The following MYO16 variants were observed in gnomAD, a reference collection of about 807,000 sequenced individuals.
MYO16 encodes myosin XVI.
MYO16 carries 94 observed loss-of-function variants against 205.3 expected under a neutral mutation model. That is an observed-to-expected ratio of 0.46 (90% CI 0.39 to 0.54). The LOEUF is 0.54. Ranked by LOEUF, MYO16 falls within the 20% of genes least tolerant of loss-of-function variation. The pLI is 0.00. For synonymous variants in MYO16, 988 were observed against 954.0 expected (o/e 1.04, Z -0.66); for missense variants, 2,315 against 2,387.5 (o/e 0.97, Z 0.63).
intron 23 of MYO16, among the ~76,000 whole-genome samples, chr13:109,041,163 T>G (rs1293664982): frequency 6.6e-6 from 1 of 152,156 alleles, no homozygotes; most frequent in South Asian, 2.1e-4. Flanking sequence ...TGTAGGGAAC[T>G]TGTGTGGCGA....
intron 7 of MYO16, among the ~76,000 whole-genome samples, chr13:108,814,925 A>T (rs1887403506): frequency 6.6e-6 from 1 of 152,222 alleles, no homozygotes; most frequent in African/African-American, 2.4e-5. Context: ...CATTCTAACA[A>T]GTAAAATAAT....
chr13:108,987,629 A>G (rs1308606135), intron 20 of MYO16, among the ~76,000 whole-genome samples: 2 of 152,192 alleles, frequency 1.3e-5, no homozygotes, highest in African/African-American at 4.8e-5. Context: ...GTAAGTCTGG[A>G]CAAGATTGCT....
intron 20 of MYO16, among the ~76,000 whole-genome samples, chr13:108,965,910 A>G (rs1459494970): frequency 6.6e-6 from 1 of 152,228 alleles, no homozygotes; most frequent in Non-Finnish European, 1.5e-5. Flanking sequence ...AGTCATCCGT[A>G]TAGACTTCTT....
At chr13:108,948,698 G>A (rs981143878) in intron 16 of MYO16, among the ~76,000 whole-genome samples, 23 of 152,188 alleles carry the variant, frequency 1.5e-4, no homozygotes, top group Non-Finnish European at 2.6e-4. Context: ...TTTTTTGTCT[G>A]TGCCTCCACA....
At chr13:108,831,043 C>G (rs139036972) in intron 9 of MYO16, among the ~76,000 whole-genome samples, 1 of 152,144 alleles carries the variant, frequency 6.6e-6, no homozygotes, top group African/African-American at 2.4e-5. Context: ...AGTGTCCTCA[C>G]ATGGTGGAAG....
At chr13:109,189,997 G>A (rs913127211) in intron 34 of MYO16, among the ~76,000 whole-genome samples, 2 of 151,738 alleles carry the variant, frequency 1.3e-5, no homozygotes, top group South Asian at 4.2e-4. Flanking sequence ...TGTAATCAGT[G>A]AGAGAATTAG....
At chr13:108,619,248 A>T (rs1396200408) in intron 1 of MYO16, among the ~76,000 whole-genome samples, 1 of 152,200 alleles carries the variant, frequency 6.6e-6, no homozygotes, top group Non-Finnish European at 1.5e-5. Context: ...TTATCATATT[A>T]GCACCTTAGA....
intron 7 of MYO16, among the ~76,000 whole-genome samples, chr13:108,809,732 T>G (rs1247648888): frequency 1.3e-5 from 2 of 152,208 alleles, no homozygotes; most frequent in Non-Finnish European, 2.9e-5. Context: ...TGAGATTTGG[T>G]GCAGACAAAC....
At chr13:108,545,321 G>C in the MYO16 span, among the ~76,000 whole-genome samples, 81 of 152,268 alleles carry the variant, frequency 5.3e-4, no homozygotes, top group Non-Finnish European at 1.0e-3. Flanking sequence ...CCACGTTGCT[G>C]CATAGGACAT....
intron 31 of MYO16, among the ~76,000 whole-genome samples, chr13:109,130,609 G>A (rs1160871473): frequency 2.0e-5 from 3 of 152,212 alleles, no homozygotes; most frequent in Non-Finnish European, 4.4e-5. Context: ...CACTCAGTCT[G>A]TCAGTGGTCT....
intron 20 of MYO16, among the ~76,000 whole-genome samples, chr13:108,970,750 G>A (rs576847148): frequency 6.6e-6 from 1 of 152,180 alleles, no homozygotes; most frequent in African/African-American, 2.4e-5. Context: ...TGAAATGCAT[G>A]TGTGTGTGCT....
At chr13:108,652,990 A>T (rs1392523355) in intron 1 of MYO16, among the ~76,000 whole-genome samples, 1 of 152,188 alleles carries the variant, frequency 6.6e-6, no homozygotes, top group East Asian at 1.9e-4. Context: ...TGGCTGCACC[A>T]CTTTACAATC....
chr13:108,608,244 A>T (rs569305289), intron 1 of MYO16, among the ~76,000 whole-genome samples: 7 of 152,258 alleles, frequency 4.6e-5, no homozygotes, highest in African/African-American at 1.7e-4. Flanking sequence ...CCTGTTATCC[A>T]GCCTTTGTAG....
intron 13 of MYO16, among the ~76,000 whole-genome samples, chr13:108,886,935 A>G (rs946753037): frequency 1.1e-4 from 17 of 152,116 alleles, no homozygotes; most frequent in Admixed American, 5.9e-4. Context: ...GTGTGCTTTC[A>G]TACAGCTTTG....
At chr13:108,785,814 A>G in intron 5 of MYO16, 71 bp downstream of exon 5, 2 of 1,008,912 alleles carry the variant, frequency 2.0e-6, no homozygotes, top group Non-Finnish European at 3.0e-6. Flanking sequence ...TCATTTTCAC[A>G]GGTTTGCTTA....
At chr13:108,835,391 T>C (rs1876855465) in intron 9 of MYO16, among the ~76,000 whole-genome samples, 1 of 152,214 alleles carries the variant, frequency 6.6e-6, no homozygotes, top group South Asian at 2.1e-4. Context: ...TCTTCAGCCA[T>C]GTGGAACTGC....
chr13:108,565,646 CT>C, the MYO16 span, among the ~76,000 whole-genome samples: 1 of 151,974 alleles, frequency 6.6e-6, no homozygotes, highest in Non-Finnish European at 1.5e-5. Flanking sequence ...TGAATTTTTC[CT>C]TTTCAATTTT....
At chr13:109,073,907 A>G (rs114706964) in intron 27 of MYO16, among the ~76,000 whole-genome samples, 5 of 152,282 alleles carry the variant, frequency 3.3e-5, no homozygotes, top group African/African-American at 1.2e-4. Context: ...GATTCCTGTC[A>G]AGATCTCAAG....
chr13:109,093,359 TCAGTACTGCC>T (rs1006470098), intron 27 of MYO16, among the ~76,000 whole-genome samples: 14 of 152,008 alleles, frequency 9.2e-5, no homozygotes, highest in African/African-American at 2.7e-4. Flanking sequence ...TCCCAAATGC[TCAGTACTGCC>T]CTGTCCAGTC....
Sources: gnomAD v4.1 joint callset for allele counts (sites outside exome capture counted in the v4.1 genomes callset) on GRCh38, gnomAD v4.1.1 for gene constraint, MANE v1.5 for transcripts, NCBI Gene and HGNC (gene_info 2026-07-23, HGNC 2026-07-21) for gene names.